FRAS1: variants seen among roughly 807,000 people sequenced by gnomAD.
The protein encoded by FRAS1 is Fraser extracellular matrix complex subunit 1.
A neutral mutation model predicts 435.2 loss-of-function variants in FRAS1; 290 were observed. The observed-to-expected ratio is 0.67, with a 90% CI of 0.61 to 0.73. FRAS1 has a LOEUF of 0.73. FRAS1 is among the 30% of genes least tolerant of loss of function. The pLI is 0.00. For missense variants in FRAS1, 4,860 were observed against 5,001.5 expected, an observed-to-expected ratio of 0.97 and a Z score of 0.85; for synonymous variants, 1,800 against 1,851.0, an observed-to-expected ratio of 0.97 and a Z score of 0.71.
At chr4:78,469,900 A>C in intron 50 of FRAS1, 78 bp from the exon 51 acceptor site, 3 of 985,294 alleles carry the variant, frequency 3.0e-6, no homozygotes, top group Non-Finnish European at 4.8e-6. Flanking sequence ...TTCAGAGGTT[A>C]CAGCTGTGTA....
Position 78,412,989 on chromosome 4 carries a change from C to T in FRAS1, c.4329C>T (p.Ala1443=). 1 of 1,606,990 alleles carries T rather than the reference C, an allele frequency of 6.2e-7. No individual in the cohort carries two copies. Among genetic ancestry groups the T allele is most frequent in the Non-Finnish European group, 8.5e-7 (1 of 1,177,070 alleles). Reference sequence around the variant, plus strand: ...TTCAGGTGTCCAGTGCCTCCAATGCCCAGACCCGCCTGGAGAGCCACATGT... The same window carrying T: ...TTCAGGTGTCCAGTGCCTCCAATGCTCAGACCCGCCTGGAGAGCCACATGT... ...FRFEVSSASN[A]QTRLESHMFN... Residue 1443 remains alanine (A), a synonymous_variant, in exon 32 of 74, where the codon GCC becomes GCT. Coordinates refer to ENST00000512123, the MANE Select transcript of FRAS1 (RefSeq NM_025074.7).
At chr4:78,489,963 G>GAAAAAAAAA (rs1553891063) in intron 59 of FRAS1, among the ~76,000 whole-genome samples, 9 of 6,034 alleles carry the variant, frequency 1.5e-3, no homozygotes, top group African/African-American at 1.6e-3. Context: ...AAAGCTAGTG[G>GAAAAAAAAA]AAAACAAAAA....
intron 2 of FRAS1, among the ~76,000 whole-genome samples, chr4:78,135,165 T>C (rs1719869761): frequency 6.6e-6 from 1 of 152,232 alleles, no homozygotes; most frequent in Non-Finnish European, 1.5e-5. Flanking sequence ...GAAATTTTGA[T>C]TGACCTTGCT....
At chr4:78,226,111 T>C (rs1015345383) in intron 2 of FRAS1, among the ~76,000 whole-genome samples, 1 of 152,146 alleles carries the variant, frequency 6.6e-6, no homozygotes, top group Non-Finnish European at 1.5e-5. Context: ...TTAAACATTG[T>C]ATTTACCTCT....
intron 10 of FRAS1, among the ~76,000 whole-genome samples, chr4:78,281,088 T>C (rs1386147840): frequency 3.3e-5 from 5 of 152,240 alleles, no homozygotes; most frequent in Admixed American, 2.6e-4. Flanking sequence ...TCTGGCACCA[T>C]GCAAAATTCA....
chr4:78,139,805 G>A (rs188702269), intron 2 of FRAS1, among the ~76,000 whole-genome samples: 21 of 152,278 alleles, frequency 1.4e-4, no homozygotes, highest in African/African-American at 2.6e-4. Context: ...TCCTGCCTCC[G>A]TTTAGCTTAC....
intron 4 of FRAS1, among the ~76,000 whole-genome samples, chr4:78,250,830 A>G (rs1578206944): frequency 1.3e-5 from 2 of 152,354 alleles, no homozygotes; most frequent in South Asian, 2.1e-4. Context: ...TTCATATCAG[A>G]TATTTAAAAC....
chr4:78,191,727 T>C (rs1230473847), intron 2 of FRAS1, among the ~76,000 whole-genome samples: 1 of 151,888 alleles, frequency 6.6e-6, no homozygotes, highest in East Asian at 1.9e-4. Context: ...GTGTGTGATG[T>C]TCCCCTTCCT....
At chr4:78,247,945 C>T (rs1303673154) in intron 4 of FRAS1, among the ~76,000 whole-genome samples, 1 of 152,174 alleles carries the variant, frequency 6.6e-6, no homozygotes, top group Admixed American at 6.6e-5. Flanking sequence ...ATACTGTCCC[C>T]GGAGAATATG....
chr4:78,435,856 C>G (rs777942542), intron 38 of FRAS1, among the ~76,000 whole-genome samples: 2 of 152,094 alleles, frequency 1.3e-5, no homozygotes, highest in Non-Finnish European at 2.9e-5. Context: ...AATTTGTATA[C>G]TGCCTCACAC....
chr4:78,493,674 G>A (rs1383271425), intron 59 of FRAS1, among the ~76,000 whole-genome samples: 1 of 152,044 alleles, frequency 6.6e-6, no homozygotes, highest in Non-Finnish European at 1.5e-5. Context: ...GGGGCTAGGG[G>A]AGGGATAGCA....
At chr4:78,393,525 A>C (rs1391951320) in intron 29 of FRAS1, among the ~76,000 whole-genome samples, 1 of 152,094 alleles carries the variant, frequency 6.6e-6, no homozygotes, top group Admixed American at 6.6e-5. Context: ...AAGCAAGATC[A>C]TGTAGTTACT....
At position 78,387,386 on chromosome 4, in the gene FRAS1, G is replaced by C. The variant is rs758575664; in HGVS notation, c.3660G>C (p.Val1220=). The C allele has an allele frequency of 3.7e-6, 6 of 1,607,076 alleles. No homozygotes were observed. In the East Asian group the frequency reaches 1.3e-4, roughly 36 times the overall value. The change falls in exon 29 of 74, where the codon GTG becomes GTC. Residue 1220 remains valine, a synonymous_variant. Transcript: ENST00000512123. ...CTTCAACTCCACAGGCCCCCTATGT[G>C]CTGAGAAATGAAGTTCTCCACATTA... ...IQAFSTQAPY[V]LRNEVLHISR... is the part of the protein sequence containing the mutation.
At position 78,282,889 on chromosome 4, in the gene FRAS1, GAGCCCTC is replaced by G; in HGVS notation, c.1178_1184del (p.Glu393ValfsTer12). The G allele has an allele frequency of 6.2e-7, 1 of 1,612,538 alleles. No homozygotes were observed. Among genetic ancestry groups the G allele is most frequent in the South Asian group, 1.1e-5 (1 of 90,838 alleles). On this transcript the variant is annotated frameshift_variant, in exon 12 of 74. Coordinates refer to ENST00000512123, the MANE Select transcript of FRAS1 (RefSeq NM_025074.7). LOFTEE classifies it high-confidence loss of function. ...CCGAGGGGCTCAGGTAACTTGCTACGAGCCCTCTTGCCCACCATGTCCAGTGGGCACA... is the reference window on the plus strand; with the variant it reads ...CCGAGGGGCTCAGGTAACTTGCTACGTTGCCCACCATGTCCAGTGGGCACA...
intron 34 of FRAS1, among the ~76,000 whole-genome samples, chr4:78,424,066 C>T (rs1042817240): frequency 2.6e-5 from 4 of 152,154 alleles, no homozygotes; most frequent in Non-Finnish European, 4.4e-5. Flanking sequence ...CAGTGATATA[C>T]GACTCACCCG....
In FRAS1 at chr4:78,065,971, GT is replaced by G. The variant is rs761228318; in HGVS notation, c.77-9del. ...ATGCATCCCTTTTAATTCTTGTTTT[GT>G]TTTTCCCCACAGGTGCTTGTGTCTA... On this transcript the variant is annotated splice_polypyrimidine_tract_variant and intron_variant, in intron 1 of 73. Coordinates refer to ENST00000512123, the MANE Select transcript of FRAS1 (RefSeq NM_025074.7). 6.2e-6 allele frequency: 10 copies of G among 1,600,722 alleles called. No homozygotes were observed. Among genetic ancestry groups the G allele is most frequent in the African/African-American group, 1.3e-5 (1 of 74,422 alleles).
chr4:78,062,836 T>C (rs1739818741), intron 1 of FRAS1, among the ~76,000 whole-genome samples: 1 of 152,214 alleles, frequency 6.6e-6, no homozygotes, highest in African/African-American at 2.4e-5. Flanking sequence ...TAAAATTACT[T>C]CACCCTGCAA....
chr4:78,114,779 G>A (rs1743027246), intron 2 of FRAS1, among the ~76,000 whole-genome samples: 1 of 152,250 alleles, frequency 6.6e-6, no homozygotes, highest in Non-Finnish European at 1.5e-5. Flanking sequence ...TGCAAACAGG[G>A]ACAATGTGAC....
intron 35 of FRAS1, among the ~76,000 whole-genome samples, chr4:78,425,751 A>G (rs1733973667): frequency 6.6e-6 from 1 of 152,240 alleles, no homozygotes; most frequent in Non-Finnish European, 1.5e-5. Flanking sequence ...ACAATTTACA[A>G]TAAAAATTGT....
Sources: gnomAD v4.1 joint callset for allele counts (sites outside exome capture counted in the v4.1 genomes callset) on GRCh38, gnomAD v4.1.1 for gene constraint, MANE v1.5 for transcripts, NCBI Gene and HGNC (gene_info 2026-07-23, HGNC 2026-07-21) for gene names.